STRN3: variants seen among roughly 807,000 people sequenced by gnomAD.
STRN3 encodes the protein striatin 3, also known as striatin-3.
STRN3 carries 29 observed loss-of-function variants against 95.6 expected under a neutral mutation model. The ratio of observed to expected loss-of-function variants is 0.30; its 90% CI spans 0.23 to 0.41. STRN3 has a LOEUF of 0.41. Among genes scored for constraint, STRN3 ranks in the 10% least tolerant of loss-of-function variants. The pLI is 1.00. For missense variants in STRN3, 890 were observed against 972.1 expected (o/e 0.92, Z 1.12); for synonymous variants, 331 against 357.6 (o/e 0.93, Z 0.84).
intron 1 of STRN3, among the ~76,000 whole-genome samples, chr14:31,009,264 A>G (rs935896071): frequency 2.6e-5 from 4 of 152,124 alleles, no homozygotes; most frequent in Admixed American, 6.6e-5. Flanking sequence ...ACCAATACAT[A>G]TATATAGTTG....
intron 1 of STRN3, among the ~76,000 whole-genome samples, chr14:31,011,853 G>C (rs1301229787): frequency 6.6e-6 from 1 of 152,148 alleles, no homozygotes; most frequent in Non-Finnish European, 1.5e-5. Flanking sequence ...GCCAAGGTGG[G>C]AGGACCACCT....
intron 1 of STRN3, among the ~76,000 whole-genome samples, chr14:31,013,639 G>A (rs1438522467): frequency 2.0e-5 from 3 of 151,614 alleles, no homozygotes; most frequent in Non-Finnish European, 4.4e-5. Flanking sequence ...CTTTTACCAG[G>A]CTGAAGAGCA....
At chr14:30,924,226 C>CA (rs1896956040) in intron 8 of STRN3, among the ~76,000 whole-genome samples, 2 of 35,644 alleles carry the variant, frequency 5.6e-5, no homozygotes, top group Non-Finnish European at 1.0e-4. Flanking sequence ...AAAAAAAAAA[C>CA]AAAAAAACAA....
chr14:30,914,578 C>G (rs2138998711), intron 9 of STRN3, among the ~76,000 whole-genome samples: 1 of 152,298 alleles, frequency 6.6e-6, no homozygotes, highest in Non-Finnish European at 1.5e-5. Flanking sequence ...GTCTTGACTC[C>G]TGACCTCAAG....
intron 13 of STRN3, among the ~76,000 whole-genome samples, chr14:30,910,386 T>C (rs886598682): frequency 6.6e-6 from 1 of 152,240 alleles, no homozygotes; most frequent in African/African-American, 2.4e-5. Flanking sequence ...CTTACCACAA[T>C]GCCTAGCTAA....
intron 1 of STRN3, among the ~76,000 whole-genome samples, chr14:31,020,251 C>A (rs931770251): frequency 2.0e-5 from 3 of 151,814 alleles, no homozygotes; most frequent in African/African-American, 4.8e-5. Flanking sequence ...GTAATCCTAG[C>A]ACTTTGGGAG....
At position 31,025,886 on chromosome 14, in the gene STRN3, C is replaced by A. The variant is rs1196266969; in HGVS notation, c.282+18G>T. 1.3e-6 allele frequency: 2 copies of A among 1,593,690 alleles called. No homozygotes were observed. Among genetic ancestry groups the A allele is most frequent in the Non-Finnish European group, 1.7e-6 (2 of 1,171,468 alleles). On this transcript the variant is annotated intron_variant, in intron 1 of 17. Coordinates refer to ENST00000357479, the MANE Select transcript of STRN3 (RefSeq NM_001083893.2). ...ACCCAGCCGCCGCAGCTCCCGCACACCGACCCCAACGAGGTACCTGCAGTT... is the reference window on the plus strand; with the variant it reads ...ACCCAGCCGCCGCAGCTCCCGCACAACGACCCCAACGAGGTACCTGCAGTT...
At chr14:30,920,586 C>T (rs1269972653) in intron 8 of STRN3, among the ~76,000 whole-genome samples, 3 of 152,024 alleles carry the variant, frequency 2.0e-5, no homozygotes, top group African/African-American at 4.8e-5. Context: ...AATTATAAAA[C>T]GGTGGGGGCT....
intron 1 of STRN3, among the ~76,000 whole-genome samples, chr14:30,961,992 C>G (rs1377987918): frequency 1.3e-5 from 2 of 152,002 alleles, no homozygotes; most frequent in Admixed American, 1.3e-4. Flanking sequence ...AGGAAGTATT[C>G]CAGAAGAAGA....
chr14:30,919,987 A>G (rs149446232), intron 8 of STRN3, among the ~76,000 whole-genome samples: 14 of 152,304 alleles, frequency 9.2e-5, no homozygotes, highest in South Asian at 4.1e-4. Flanking sequence ...TATAATCTAC[A>G]TAAGTTTAAA....
At chr14:30,930,957 TTTATATAGGAAA>T (rs1458719085) in intron 7 of STRN3, among the ~76,000 whole-genome samples, 1 of 151,998 alleles carries the variant, frequency 6.6e-6, no homozygotes, top group Non-Finnish European at 1.5e-5. Flanking sequence ...TTGTATGAAG[TTTATATAGGAAA>T]TTAGATAGAA....
chr14:30,994,366 TAG>T (rs1882104436), intron 1 of STRN3, among the ~76,000 whole-genome samples: 1 of 152,202 alleles, frequency 6.6e-6, no homozygotes, highest in African/African-American at 2.4e-5. Context: ...ACTCTGGAGA[TAG>T]AGACTATCAA....
chr14:30,945,332 T>C (rs1594475219), intron 5 of STRN3, among the ~76,000 whole-genome samples: 1 of 152,072 alleles, frequency 6.6e-6, no homozygotes, highest in African/African-American at 2.4e-5. Context: ...AAACACACAA[T>C]GAAGGCCGGG....
chr14:30,914,942 A>G (rs1594429337), intron 9 of STRN3, among the ~76,000 whole-genome samples: 1 of 152,326 alleles, frequency 6.6e-6, no homozygotes, highest in South Asian at 2.1e-4. Flanking sequence ...TAATTGAATG[A>G]CTATTATCTA....
In STRN3 at chr14:30,902,558, G is replaced by C. The variant is rs1285412393; in HGVS notation, c.2115C>G (p.Ile705Met). Residue 705 changes from isoleucine to methionine, a missense_variant, in exon 16 of 18, where the codon ATC becomes ATG. Ile to Met is a conservative substitution (Grantham distance 10). Transcript: ENST00000357479. ...VTITAHEDRHIKFFDNKTGKM... is the reference protein window; with the variant it reads ...VTITAHEDRHMKFFDNKTGKM... ...TACCCGTTTTATTGTCAAAAAATTTGATGTGTCTATCTTCATGAGCAGTTA... is the reference window on the plus strand; with the variant it reads ...TACCCGTTTTATTGTCAAAAAATTTCATGTGTCTATCTTCATGAGCAGTTA... The C allele has an allele frequency of 5.0e-6, 8 of 1,600,494 alleles. No individual in the cohort carries two copies. Among genetic ancestry groups the C allele is most frequent in the Non-Finnish European group, 6.8e-6 (8 of 1,175,104 alleles).
intron 5 of STRN3, among the ~76,000 whole-genome samples, chr14:30,938,735 T>G (rs954989694): frequency 2.0e-5 from 3 of 152,038 alleles, no homozygotes; most frequent in Admixed American, 1.3e-4. Flanking sequence ...CATGAAAAAC[T>G]TGTGTCAAGG....
Position 30,912,032 on chromosome 14 carries a change from G to A in STRN3, c.1525C>T (p.Leu509=). 1 of 1,607,580 alleles carries A rather than the reference G, an allele frequency of 6.2e-7. No homozygotes were observed. Among genetic ancestry groups the A allele is most frequent in the Non-Finnish European group, 8.5e-7 (1 of 1,178,464 alleles). Residue 509 remains leucine (L), a synonymous_variant, in exon 11 of 18, where the codon CTG becomes TTG. Coordinates refer to ENST00000357479, the MANE Select transcript of STRN3 (RefSeq NM_001083893.2). ...SEDHTLKLWN[L]QKTVPAKKSA... The stretch of plus-strand genomic sequence containing the variant: ...TTTTTGGCAGGAACTGTTTTTTGCA[G>A]GTTCCAAAGTTTCAGGGTATGGTCC...
chr14:30,979,669 G>A (rs1456941370), intron 1 of STRN3, among the ~76,000 whole-genome samples: 6 of 151,774 alleles, frequency 4.0e-5, no homozygotes, highest in South Asian at 2.1e-4. Context: ...GCACCATCTC[G>A]GCTCACTGAA....
intron 1 of STRN3, among the ~76,000 whole-genome samples, chr14:30,992,460 C>T (rs1328317962): frequency 2.0e-5 from 3 of 150,538 alleles, no homozygotes; most frequent in Non-Finnish European, 3.0e-5. Context: ...TTGCTGTTGC[C>T]CAGGCTGGTC....
Sources: gnomAD v4.1 joint callset for allele counts (sites outside exome capture counted in the v4.1 genomes callset) on GRCh38, gnomAD v4.1.1 for gene constraint, MANE v1.5 for transcripts, NCBI Gene and HGNC (gene_info 2026-07-23, HGNC 2026-07-21) for gene names.